Variants in DNAH1 observed in about 807,000 individuals in gnomAD.
DNAH1 encodes the protein dynein axonemal heavy chain 1.
A neutral mutation model predicts 484.3 loss-of-function variants in DNAH1; 327 were observed. The observed-to-expected ratio is 0.68, with a 90% CI of 0.62 to 0.74. The LOEUF is 0.74. DNAH1 is among the 30% of genes least tolerant of loss of function. The probability of loss-of-function intolerance (pLI) is 0.00; values close to 1 mark genes in which losing one functional copy is unlikely to be tolerated. For synonymous variants in DNAH1, 2,192 were observed against 2,191.9 expected (o/e 1.00, Z 0.00); for missense variants, 5,052 against 5,546.8 (o/e 0.91, Z 2.83).
Position 52,323,856 on chromosome 3 carries a change from G to T in DNAH1, c.382G>T (p.Asp128Tyr). Residue 128 changes from aspartate (D) to tyrosine (Y), a missense_variant, in exon 3 of 78, where the codon GAC becomes TAC. Around this residue, in one of 4 missense-constraint regions of DNAH1, gnomAD observed 1,263 missense variants for 1,218.8 expected, o/e 1.04. Transcript: ENST00000420323. ...GAGCCAGAACCTCCTGCGGCAGGCT[G>T]ACCTTGACAAGTTCACCCCAAGAGG... ...RMSQNLLRQADLDKFTPRVGS... is the reference protein window; with the variant it reads ...RMSQNLLRQAYLDKFTPRVGS... 6.3e-7 allele frequency: 1 copy of T among 1,581,432 alleles called. No individual in the cohort carries two copies. The highest frequency in any genetic ancestry group is 8.6e-7 in the Non-Finnish European group (1 of 1,163,668).
intron 43 of DNAH1, 39 bp from the exon 44 acceptor site, chr3:52,372,857 T>G (rs1703405291): frequency 1.3e-6 from 2 of 1,585,262 alleles, no homozygotes; most frequent in Admixed American, 3.5e-5. Flanking sequence ...GAGGACCTGG[T>G]GCCTGTGGGT....
At position 52,400,390 on chromosome 3, in the gene DNAH1, C is replaced by T. The variant is rs1227162850; in HGVS notation, c.12742C>T (p.Pro4248Ser). 4 of 1,613,944 alleles carry T rather than the reference C, an allele frequency of 2.5e-6. No individual in the cohort carries two copies. The African/African-American group carries it at 4.0e-5, about 16-fold the overall frequency. The part of the protein sequence containing the change: ...VIAVEIPTHQ[P>S]QRHWIKRGVA... ...TGCTGTGGAGATCCCCACCCATCAG[C>T]CCCAGCGACACTGGATAAAGCGTGG... Residue 4248 changes from proline to serine, a missense_variant, in exon 78 of 78, where the codon CCC becomes TCC. Pro to Ser is a moderately conservative substitution (Grantham distance 74). Coordinates refer to ENST00000420323, the MANE Select transcript of DNAH1 (RefSeq NM_015512.5).
chr3:52,383,790 C>T (rs1452878534), intron 51 of DNAH1, 70 bp from the exon 52 acceptor site: 5 of 1,500,386 alleles, frequency 3.3e-6, no homozygotes, highest in Middle Eastern at 1.8e-4. Context: ...TGTGCAAGGG[C>T]CCTGGGTCCT....
At chr3:52,331,619 C>CTTTT (rs36097098) in intron 7 of DNAH1, among the ~76,000 whole-genome samples, 124 of 111,332 alleles carry the variant, frequency 1.1e-3, no homozygotes, top group Non-Finnish European at 1.8e-3. Context: ...AAATACTTTT[C>CTTTT]TTTTTTTTTT....
intron 53 of DNAH1, 75 bp from the exon 54 acceptor site, chr3:52,385,262 G>A (rs958485155): frequency 2.8e-6 from 4 of 1,425,020 alleles, no homozygotes; most frequent in Non-Finnish European, 3.9e-6. Context: ...TCTCATGAAT[G>A]AGGGCGGCCC....
chr3:52,347,712 A>G, intron 11 of DNAH1, 112 bp from the exon 12 acceptor site: 3 of 1,280,578 alleles, frequency 2.3e-6, no homozygotes, highest in Non-Finnish European at 3.1e-6. Context: ...GAAGGCAAGT[A>G]TTGTGCATGG....
chr3:52,332,356 G>C lies in DNAH1; in HGVS notation c.1248G>C (p.Gln416His). Reference protein sequence around the residue: ...ISEQSLSKIKQWALSTPRMRK... With the variant: ...ISEQSLSKIKHWALSTPRMRK... ...AACAGAGCCTGAGCAAGATCAAGCA[G>C]TGGGCCCTGAGCACGCCTCGGATGC... The change falls in exon 8 of 78, where the codon CAG becomes CAC. Residue 416 changes from glutamine (Q) to histidine (H), a missense_variant. By Grantham distance (24) the Gln-to-His change is conservative. This residue lies in a region of DNAH1 where 1,263 missense variants were observed against 1,218.8 expected (regional missense o/e 1.04). Coordinates refer to ENST00000420323, the MANE Select transcript of DNAH1 (RefSeq NM_015512.5). The C allele has an allele frequency of 1.2e-6, 2 of 1,613,944 alleles. No individual in the cohort carries two copies. Among genetic ancestry groups the C allele is most frequent in the Non-Finnish European group, 1.7e-6 (2 of 1,179,908 alleles).
Position 52,374,075 on chromosome 3 carries a change from A to G in DNAH1, c.6985+1022A>G. 4 of 1,029,028 alleles carry G rather than the reference A, an allele frequency of 3.9e-6. No homozygotes were observed. The South Asian group carries it at 5.1e-5, about 13-fold the overall frequency. The allele number at this position is 1,029,028 out of a possible 1,614,324, so 63.7% of individuals were successfully genotyped here. A position where few individuals can be genotyped will look rare whatever the true frequency, so the allele number is the denominator to read the frequency against. On this transcript the variant is annotated intron_variant, in intron 44 of 77. Coordinates refer to ENST00000420323, the MANE Select transcript of DNAH1 (RefSeq NM_015512.5). ...ATTGCAGCTTTTAAAGCTCTTTGAC[A>G]GTGAAGATCCTCAGGAGAGAGATTT...
chr3:52,327,338 A>G (rs946058322), intron 5 of DNAH1, among the ~76,000 whole-genome samples: 1 of 152,098 alleles, frequency 6.6e-6, no homozygotes, highest in African/African-American at 2.4e-5. Context: ...AGAAAGAGGG[A>G]GCATGGCCTG....
chr3:52,391,670 C>T (rs1704393445), intron 63 of DNAH1, 67 bp downstream of exon 63: 2 of 1,585,208 alleles, frequency 1.3e-6, no homozygotes, highest in Non-Finnish European at 1.7e-6. Flanking sequence ...TGCTCCTCTC[C>T]CACCCCCAGG....
intron 3 of DNAH1, among the ~76,000 whole-genome samples, chr3:52,324,566 C>G (rs988219754): frequency 6.6e-6 from 1 of 152,160 alleles, no homozygotes; most frequent in African/African-American, 2.4e-5. Flanking sequence ...CTGTCCGCCC[C>G]TCCTCCCCAC....
chr3:52,311,143 C>G, the DNAH1 span, among the ~76,000 whole-genome samples: 1 of 152,160 alleles, frequency 6.6e-6, no homozygotes, highest in African/African-American at 2.4e-5. Context: ...CCTCACACCC[C>G]TGTTGAGTCC....
chr3:52,328,550 C>T (rs1295473042), intron 6 of DNAH1, among the ~76,000 whole-genome samples: 1 of 152,260 alleles, frequency 6.6e-6, no homozygotes, highest in Non-Finnish European at 1.5e-5. Context: ...TATTGTCACC[C>T]ATCCACAACC....
At chr3:52,360,951 C>T (rs577054649) in intron 28 of DNAH1, among the ~76,000 whole-genome samples, 1 of 152,188 alleles carries the variant, frequency 6.6e-6, no homozygotes, top group Admixed American at 6.5e-5. Flanking sequence ...CCAGGGGTCC[C>T]TGGGCAAAGC....
Position 52,394,566 on chromosome 3 carries a change from A to G in DNAH1, c.10728A>G (p.Ala3576=). The change falls in exon 67 of 78, where the codon GCA becomes GCG. Residue 3576 remains alanine, a synonymous_variant. Coordinates refer to ENST00000420323, the MANE Select transcript of DNAH1 (RefSeq NM_015512.5). ...ACCGGGCTTGGCGAGACATCCTAGC[A>G]CTCTCGAACCTGCCAACCTTTTCCT... The part of the protein sequence containing the change: ...LSDRAWRDIL[A]LSNLPTFSSF... 3 of 1,612,844 alleles carry G rather than the reference A, an allele frequency of 1.9e-6. No homozygotes were observed. The highest frequency in any genetic ancestry group is 2.5e-6 in the Non-Finnish European group (3 of 1,179,332).
chr3:52,361,596 A>T lies in DNAH1; in HGVS notation c.4875-65A>T. ...CCAAGTGGAGTTGGAGGGGGCCCTCAGAGGGAGGTGCCCAGATTGGGCTCT... is the reference window on the plus strand; with the variant it reads ...CCAAGTGGAGTTGGAGGGGGCCCTCTGAGGGAGGTGCCCAGATTGGGCTCT... On this transcript the variant is annotated intron_variant, in intron 29 of 77. Transcript: ENST00000420323. The surrounding 1 kb of genome is among the most constrained non-coding windows in gnomAD (Gnocchi z 5.6). The T allele has an allele frequency of 6.7e-7, 1 of 1,495,530 alleles. No homozygotes were observed. 92.6% of individuals were successfully genotyped at this position (1,495,530 alleles called of 1,614,324 possible). A position where few individuals can be genotyped will look rare whatever the true frequency, so the allele number is the denominator to read the frequency against.
At chr3:52,335,325 G>T (rs1701703050) in intron 8 of DNAH1, among the ~76,000 whole-genome samples, 2 of 143,658 alleles carry the variant, frequency 1.4e-5, no homozygotes, top group Admixed American at 7.0e-5. Flanking sequence ...AAAGTGCTGG[G>T]ATTACAGGCA....
At chr3:52,366,975 C>T in intron 36 of DNAH1, 88 bp downstream of exon 36, 1 of 1,469,746 alleles carries the variant, frequency 6.8e-7, no homozygotes, top group East Asian at 2.3e-5. Context: ...TCCATTAGCC[C>T]AGTGGAAGGC....
intron 53 of DNAH1, 24 bp from the exon 54 acceptor site, chr3:52,385,313 T>C (rs765836380): frequency 6.5e-7 from 1 of 1,549,598 alleles, no homozygotes; most frequent in Non-Finnish European, 8.7e-7. Flanking sequence ...ACACCTGTTT[T>C]CCTGTCTCTG....
Sources: gnomAD v4.1 joint callset for allele counts (sites outside exome capture counted in the v4.1 genomes callset) on GRCh38, gnomAD v4.1.1 for gene constraint, gnomAD v4.1.1 regional missense constraint, Gnocchi (gnomAD v3.1) non-coding constraint, MANE v1.5 for transcripts, NCBI Gene and HGNC (gene_info 2026-07-23, HGNC 2026-07-21) for gene names.